Variants in TTC17 observed in about 807,000 individuals in gnomAD.
TTC17 encodes the protein tetratricopeptide repeat domain 17.
A neutral mutation model predicts 143.8 loss-of-function variants in TTC17; 58 were observed. The ratio of observed to expected loss-of-function variants is 0.40; its 90% CI spans 0.33 to 0.50. The LOEUF is 0.50. Ranked by LOEUF, TTC17 falls within the 20% of genes least tolerant of loss-of-function variation. The pLI is 0.49. For synonymous variants in TTC17, 501 were observed against 497.8 expected (o/e 1.01, Z -0.09); for missense variants, 1,273 against 1,392.5 (o/e 0.91, Z 1.37).
At position 43,448,102 on chromosome 11, in the gene TTC17, A is replaced by C; in HGVS notation, c.2766A>C (p.Ala922=). 1.2e-6 allele frequency: 2 copies of C among 1,614,112 alleles called. No individual in the cohort carries two copies. The highest frequency in any genetic ancestry group is 1.7e-6 in the Non-Finnish European group (2 of 1,179,986). ...ELTAIVSTWL[A]VSSKNIDITE... ...CTGCCATCGTGAGTACCTGGCTTGC[A>C]GTTTCTTCAAAAAACATTGAGTAAG... The change falls in exon 19 of 24, where the codon GCA becomes GCC. Residue 922 remains alanine (A), a synonymous_variant. Transcript: ENST00000039989.
At chr11:43,458,854 T>C (rs1214206486) in intron 21 of TTC17, among the ~76,000 whole-genome samples, 1 of 152,232 alleles carries the variant, frequency 6.6e-6, no homozygotes, top group Non-Finnish European at 1.5e-5. Flanking sequence ...TATTACAGTG[T>C]ATTATTTTAA....
Position 43,396,727 on chromosome 11 carries a change from C to T in TTC17, c.682C>T (p.Leu228=), listed in dbSNP as rs1400695583. ...TCTCTAGAACACTTCCTCGTGGGTA[C>T]TGTATAACATGGCTTCATTTTACTG... ...GLQKNTSSWV[L]YNMASFYWRI... Residue 228 remains leucine, a synonymous_variant, in exon 6 of 24, where the codon CTG becomes TTG. Transcript: ENST00000039989. 5 of 1,597,850 alleles carry T rather than the reference C, an allele frequency of 3.1e-6. No individual in the cohort carries two copies. The highest frequency in any genetic ancestry group is 4.3e-6 in the Non-Finnish European group (5 of 1,168,604).
intron 21 of TTC17, among the ~76,000 whole-genome samples, chr11:43,471,013 G>A (rs1050976843): frequency 2.0e-5 from 3 of 152,162 alleles, no homozygotes; most frequent in African/African-American, 7.2e-5. Context: ...TCCTTAGGGA[G>A]TTTTTGAGTT....
chr11:43,366,246 C>G (rs1333007373), intron 1 of TTC17, among the ~76,000 whole-genome samples: 2 of 152,038 alleles, frequency 1.3e-5, no homozygotes, highest in East Asian at 1.9e-4. Context: ...TTCAGGCCAC[C>G]TTATTATTGC....
chr11:43,392,950 C>G (rs549915339), intron 5 of TTC17, among the ~76,000 whole-genome samples: 1 of 152,242 alleles, frequency 6.6e-6, no homozygotes, highest in East Asian at 1.9e-4. Context: ...ATTCAAAGAC[C>G]ACGGAAGAGC....
chr11:43,379,238 T>C lies in TTC17; in HGVS notation c.165T>C (p.Asp55=). ...TEDGKIQQQV[D]SPMNLKHPHD... ...TATTTATTGCTTGCTTGCAGGTGGA[T>C]TCACCAATGAACTTGAAGCATCCTC... The change falls in exon 2 of 24, where the codon GAT becomes GAC. Residue 55 remains aspartate, a synonymous_variant. Coordinates refer to ENST00000039989, the MANE Select transcript of TTC17 (RefSeq NM_018259.6). 1.2e-6 allele frequency: 2 copies of C among 1,612,020 alleles called. No individual in the cohort carries two copies. Among genetic ancestry groups the C allele is most frequent in the African/African-American group, 1.3e-5 (1 of 74,970 alleles).
chr11:43,421,610 T>C (rs993923289), intron 16 of TTC17, among the ~76,000 whole-genome samples: 1 of 152,144 alleles, frequency 6.6e-6, no homozygotes, highest in East Asian at 1.9e-4. Flanking sequence ...TTGTAAACTA[T>C]GCATGCACGG....
rs980988402 is a variant in TTC17 at position 43,380,420 on chromosome 11, T to A, written c.249+1098T>A. Among the ~76,000 whole-genome samples the A allele has an allele frequency of 7.2e-5, 11 of 152,328 alleles. No homozygotes were observed. In the East Asian group the frequency reaches 7.7e-4, roughly 11 times the overall value. On this transcript the variant is annotated intron_variant, in intron 2 of 23. Transcript: ENST00000039989. ...ACAGGCACCTGCCATCATGCCCAGC[T>A]AATTTTTGTGCTTTTAGTAGAGACG...
At chr11:43,450,343 T>C (rs1947633717) in intron 20 of TTC17, 102 bp downstream of exon 20, 7 of 1,336,756 alleles carry the variant, frequency 5.2e-6, no homozygotes, top group Non-Finnish European at 4.9e-6. Context: ...TAAAAAAAAA[T>C]AGGGGCTTTT....
chr11:43,469,083 A>G (rs1293859665), intron 21 of TTC17, among the ~76,000 whole-genome samples: 1 of 152,222 alleles, frequency 6.6e-6, no homozygotes, highest in Non-Finnish European at 1.5e-5. Flanking sequence ...ATGTTTCACA[A>G]AACACAATAT....
chr11:43,419,670 T>C (rs1590389917), intron 16 of TTC17, among the ~76,000 whole-genome samples: 1 of 152,230 alleles, frequency 6.6e-6, no homozygotes, highest in East Asian at 1.9e-4. Context: ...GATATTCTTA[T>C]AGACCCAATT....
Position 43,414,728 on chromosome 11 carries a change from A to G in TTC17, c.2203A>G (p.Met735Val), listed in dbSNP as rs755415047. 3.7e-6 allele frequency: 6 copies of G among 1,613,578 alleles called. No individual in the cohort carries two copies. Among genetic ancestry groups the G allele is most frequent in the African/African-American group, 1.3e-5 (1 of 74,912 alleles). ...CENSLKLIRC[M>V]QFYPFLYNIT... ...AAACAGCCTGAAGTTGATCCGCTGT[A>G]TGCAGTTTTATCCTTTTCTGTACAA... The change falls in exon 16 of 24, where the codon ATG becomes GTG. Residue 735 changes from methionine (M) to valine (V), a missense_variant. Physicochemically the swap from Met to Val is conservative, Grantham distance 21. Around this residue, in one of 3 missense-constraint regions of TTC17, gnomAD observed 878 missense variants for 899.8 expected, o/e 0.98. Transcript: ENST00000039989.
rs570225806 is a variant in TTC17, at chr11:43,408,717, G to A, written c.2064+1140G>A. On this transcript the variant is annotated intron_variant, in intron 15 of 23. Coordinates refer to ENST00000039989, the MANE Select transcript of TTC17 (RefSeq NM_018259.6). The stretch of plus-strand genomic sequence containing the variant: ...ATAAGAATAAAAAGATAAATTAATG[G>A]ATCAGGGTGGGTACCCCAAAAATAT... Among the ~76,000 whole-genome samples, 4 of 152,080 alleles carry A rather than the reference G, an allele frequency of 2.6e-5. No homozygotes were observed. The South Asian group carries it at 8.3e-4, about 32-fold the overall frequency.
intron 21 of TTC17, among the ~76,000 whole-genome samples, chr11:43,461,120 C>G (rs1205609181): frequency 6.6e-6 from 1 of 151,976 alleles, no homozygotes; most frequent in African/African-American, 2.4e-5. Flanking sequence ...CGCGGTGGCT[C>G]ACGCCTGTAA....
chr11:43,413,827 T>C (rs2134620451), intron 15 of TTC17, among the ~76,000 whole-genome samples: 1 of 152,316 alleles, frequency 6.6e-6, no homozygotes, highest in Non-Finnish European at 1.5e-5. Flanking sequence ...ACAGAGTCTC[T>C]GAATTCTCAC....
intron 1 of TTC17, 138 bp downstream of exon 1, chr11:43,359,251 A>C: frequency 9.1e-7 from 1 of 1,102,490 alleles, no homozygotes; most frequent in Non-Finnish European, 1.2e-6. Flanking sequence ...GCGACCTCGG[A>C]CTCCCTGCAT....
At chr11:43,431,655 T>C (rs1947161571) in intron 16 of TTC17, among the ~76,000 whole-genome samples, 1 of 152,360 alleles carries the variant, frequency 6.6e-6, no homozygotes, top group Middle Eastern at 3.4e-3. Context: ...TGCTACGCAA[T>C]GGTCTAGCTC....
chr11:43,393,475 A>C (rs1047750050), intron 5 of TTC17, among the ~76,000 whole-genome samples: 1 of 151,998 alleles, frequency 6.6e-6, no homozygotes, highest in African/African-American at 2.4e-5. Context: ...CTAGAATCTC[A>C]ATGTGTTCAC....
intron 16 of TTC17, among the ~76,000 whole-genome samples, chr11:43,425,899 A>T (rs73530615): frequency 0.092 from 14,076 of 152,256 alleles, 2,195 homozygotes; most frequent in African/African-American, 0.32. Context: ...TGCCTTTTAT[A>T]GGAACAAACC....
Sources: gnomAD v4.1 joint callset for allele counts (sites outside exome capture counted in the v4.1 genomes callset) on GRCh38, gnomAD v4.1.1 for gene constraint, gnomAD v4.1.1 regional missense constraint, MANE v1.5 for transcripts, NCBI Gene and HGNC (gene_info 2026-07-23, HGNC 2026-07-21) for gene names.